PDE1A: variants seen among roughly 807,000 people sequenced by gnomAD.
PDE1A encodes the protein phosphodiesterase 1A, also known as dual specificity calcium/calmodulin-dependent 3',5'-cyclic nucleotide phosphodiesterase 1A.
Under a neutral mutation model 61.7 loss-of-function variants are expected in PDE1A, and 35 were observed. The ratio of observed to expected loss-of-function variants is 0.57; its 90% CI spans 0.43 to 0.75. PDE1A has a LOEUF of 0.75. Among genes scored for constraint, PDE1A ranks in the 30% least tolerant of loss-of-function variants. PDE1A has a pLI of 0.00. For synonymous variants in PDE1A, 232 were observed against 213.2 expected, an observed-to-expected ratio of 1.09 and a Z score of -0.77; for missense variants, 597 against 630.6, an observed-to-expected ratio of 0.95 and a Z score of 0.57.
chr2:182,458,529 T>C (rs1686067906), intron 2 of PDE1A, among the ~76,000 whole-genome samples: 1 of 152,022 alleles, frequency 6.6e-6, no homozygotes, highest in Admixed American at 6.6e-5. Flanking sequence ...CAGAGTGATA[T>C]TTTATAGCTG....
the PDE1A span, among the ~76,000 whole-genome samples, chr2:182,573,731 G>A: frequency 6.6e-6 from 1 of 151,154 alleles, no homozygotes; most frequent in Non-Finnish European, 1.5e-5. Flanking sequence ...TAGGTAAAGG[G>A]TGATGATCTC....
chr2:182,505,143 G>C (rs996403320), intron 2 of PDE1A, among the ~76,000 whole-genome samples: 5 of 152,196 alleles, frequency 3.3e-5, no homozygotes, highest in Admixed American at 6.5e-5. Flanking sequence ...AGGCTGCAAG[G>C]CCACATGAGG....
chr2:182,279,449 A>C (rs998227628), intron 1 of PDE1A, among the ~76,000 whole-genome samples: 1 of 151,934 alleles, frequency 6.6e-6, no homozygotes, highest in South Asian at 2.1e-4. Context: ...ATATTCATGG[A>C]CCAGATTTTT....
chr2:182,231,229 T>G (rs1689553802), intron 4 of PDE1A, 98 bp from the exon 5 acceptor site: 1 of 703,640 alleles, frequency 1.4e-6, no homozygotes, highest in Non-Finnish European at 2.5e-6. Context: ...GCAGGTCATC[T>G]TTCAATTTAG....
intron 2 of PDE1A, among the ~76,000 whole-genome samples, chr2:182,501,680 A>C (rs1237987794): frequency 1.3e-5 from 2 of 152,196 alleles, no homozygotes; most frequent in Non-Finnish European, 2.9e-5. Flanking sequence ...CACTGATTCT[A>C]GTGCCCTATT....
At chr2:182,250,037 T>C (rs557510600) in intron 2 of PDE1A, among the ~76,000 whole-genome samples, 2 of 152,338 alleles carry the variant, frequency 1.3e-5, no homozygotes, top group East Asian at 3.9e-4. Context: ...TTTTTGGTCA[T>C]GTATGTCTGG....
At chr2:182,698,398 C>T in the PDE1A span, among the ~76,000 whole-genome samples, 3 of 151,822 alleles carry the variant, frequency 2.0e-5, no homozygotes, top group Non-Finnish European at 3.0e-5. Flanking sequence ...ATGATATTTA[C>T]ATCAGCACTA....
At chr2:182,669,866 T>C in the PDE1A span, among the ~76,000 whole-genome samples, 34 of 152,156 alleles carry the variant, frequency 2.2e-4, no homozygotes, top group Non-Finnish European at 4.3e-4. Context: ...AATCCGGGAG[T>C]GGCCAACCCA....
chr2:182,548,274 C>T, the PDE1A span, among the ~76,000 whole-genome samples: 2 of 152,128 alleles, frequency 1.3e-5, no homozygotes, highest in Admixed American at 1.3e-4. Flanking sequence ...CCTTTTTTCC[C>T]AAGACCTCCT....
chr2:182,347,268 T>C (rs543816034), intron 1 of PDE1A, among the ~76,000 whole-genome samples: 1 of 152,200 alleles, frequency 6.6e-6, no homozygotes, highest in African/African-American at 2.4e-5. Flanking sequence ...TGCTAATAAC[T>C]CAAGGAGAAA....
At chr2:182,626,795 A>ATG in the PDE1A span, among the ~76,000 whole-genome samples, 2 of 36,172 alleles carry the variant, frequency 5.5e-5, no homozygotes, top group African/African-American at 1.7e-4. Flanking sequence ...ATATATACAT[A>ATG]TATATACATA....
At chr2:182,515,868 G>A (rs1241712878) in intron 2 of PDE1A, among the ~76,000 whole-genome samples, 2 of 152,046 alleles carry the variant, frequency 1.3e-5, no homozygotes, top group South Asian at 2.1e-4. Context: ...GTGAGTTAAT[G>A]GCTAAGAATA....
chr2:182,313,635 G>A (rs2125960172), intron 1 of PDE1A, among the ~76,000 whole-genome samples: 1 of 152,146 alleles, frequency 6.6e-6, no homozygotes. Flanking sequence ...CATACACTTT[G>A]GTATTTCACC....
the PDE1A span, among the ~76,000 whole-genome samples, chr2:182,683,432 T>C: frequency 6.6e-6 from 1 of 152,016 alleles, no homozygotes; most frequent in Non-Finnish European, 1.5e-5. Flanking sequence ...ACTTTCTAAA[T>C]GTGGAAAAAG....
At chr2:182,288,933 A>G (rs1293001322) in intron 1 of PDE1A, among the ~76,000 whole-genome samples, 1 of 152,074 alleles carries the variant, frequency 6.6e-6, no homozygotes, top group East Asian at 1.9e-4. Flanking sequence ...TCTTTTGACA[A>G]TGAATCAAAT....
chr2:182,591,613 T>C, the PDE1A span, among the ~76,000 whole-genome samples: 1 of 152,102 alleles, frequency 6.6e-6, no homozygotes, highest in East Asian at 1.9e-4. Flanking sequence ...ATTTTATACA[T>C]TGTAGGGTTT....
the PDE1A span, among the ~76,000 whole-genome samples, chr2:182,556,044 T>A: frequency 2.6e-3 from 380 of 144,118 alleles, 3 homozygotes; most frequent in African/African-American, 9.4e-3. Context: ...CTTGGATGGA[T>A]AATTAGAACT....
At chr2:182,198,072 CA>C (rs1315620719) in intron 10 of PDE1A, among the ~76,000 whole-genome samples, 1 of 151,802 alleles carries the variant, frequency 6.6e-6, no homozygotes, top group African/African-American at 2.4e-5. Context: ...AAATTTCTCT[CA>C]AAAATGTTTT....
intron 2 of PDE1A, among the ~76,000 whole-genome samples, chr2:182,490,811 A>G (rs1688336111): frequency 6.6e-6 from 1 of 152,204 alleles, no homozygotes; most frequent in Non-Finnish European, 1.5e-5. Context: ...AATATACTTT[A>G]GTATACAAGT....
Sources: allele counts gnomAD v4.1 joint callset (sites outside exome capture counted in the v4.1 genomes callset), GRCh38; gene constraint gnomAD v4.1.1; transcripts MANE v1.5; gene names NCBI Gene and HGNC (gene_info 2026-07-23, HGNC 2026-07-21).